The following ACAP3 variants were observed in gnomAD, a reference collection of about 807,000 sequenced individuals.
The protein encoded by ACAP3 is arf-GAP with coiled-coil, ANK repeat and PH domain-containing protein 3.
In ACAP3, 56 loss-of-function variants were observed where a neutral mutation model predicts 104.1. That is an observed-to-expected ratio of 0.54 (90% CI 0.43 to 0.67). The LOEUF (loss-of-function observed/expected upper bound fraction) is 0.67. Among genes scored for constraint, ACAP3 ranks in the 30% least tolerant of loss-of-function variants. ACAP3 has a pLI of 0.00. For missense variants in ACAP3, 1,208 were observed against 1,174.9 expected, an observed-to-expected ratio of 1.03 and a Z score of -0.41; for synonymous variants, 628 against 496.2, an observed-to-expected ratio of 1.27 and a Z score of -3.53.
chr1:1,293,417 G>A lies in ACAP3; in HGVS notation c.*147C>T, dbSNP rs79565498. 3,821 of 797,910 alleles carry A rather than the reference G, an allele frequency of 4.8e-3. 235 individuals are homozygous for A. The East Asian group carries it at 0.13, about 28-fold the overall frequency. The allele number at this position is 797,910 out of a possible 1,614,324, so 49.4% of individuals were successfully genotyped here. A position where few individuals can be genotyped will look rare whatever the true frequency, so the allele number is the denominator to read the frequency against. On this transcript the variant is annotated 3_prime_UTR_variant, in exon 24 of 24. Transcript: ENST00000354700. ...TGGGGCCCTCGCTCTCCTCCTGGGCGAGCAGGGCCGCGGCGCCCCAGCACT... is the reference window on the plus strand; with the variant it reads ...TGGGGCCCTCGCTCTCCTCCTGGGCAAGCAGGGCCGCGGCGCCCCAGCACT...
intron 7 of ACAP3, 44 bp from the exon 8 acceptor site, chr1:1,300,112 C>G: frequency 1.2e-6 from 2 of 1,607,134 alleles, no homozygotes; most frequent in Non-Finnish European, 1.7e-6. Context: ...CCCGGTCCAG[C>G]CCCCAACATG....
intron 4 of ACAP3, among the ~76,000 whole-genome samples, chr1:1,302,719 G>C (rs1453696205): frequency 6.6e-6 from 1 of 150,404 alleles, no homozygotes; most frequent in African/African-American, 2.4e-5. Flanking sequence ...CCAGGGTCTA[G>C]TGTGGCCCTT....
intron 1 of ACAP3, chr1:1,307,289 C>T: frequency 7.8e-7 from 1 of 1,289,382 alleles, no homozygotes; most frequent in Non-Finnish European, 1.0e-6. Flanking sequence ...CGCCACCCCT[C>T]CAAGCCCCTG....
Position 1,293,422 on chromosome 1 carries a change from G to A in ACAP3, c.*142C>T, listed in dbSNP as rs1640928501. The A allele has an allele frequency of 3.5e-6, 3 of 861,584 alleles. No homozygotes were observed. Among genetic ancestry groups the A allele is most frequent in the Non-Finnish European group, 4.6e-6 (3 of 652,706 alleles). 53.4% of individuals were successfully genotyped at this position (861,584 alleles called of 1,614,324 possible). A position where few individuals can be genotyped will look rare whatever the true frequency, so the allele number is the denominator to read the frequency against. On this transcript the variant is annotated 3_prime_UTR_variant, in exon 24 of 24. Coordinates refer to ENST00000354700, the MANE Select transcript of ACAP3 (RefSeq NM_030649.3). ...CCCTCGCTCTCCTCCTGGGCGAGCAGGGCCGCGGCGCCCCAGCACTGGGGC... is the reference window on the plus strand; with the variant it reads ...CCCTCGCTCTCCTCCTGGGCGAGCAAGGCCGCGGCGCCCCAGCACTGGGGC...
chr1:1,301,947 GTGGCCTCA>G lies in ACAP3; in HGVS notation c.338+33_338+40del, dbSNP rs765736738. 7.3e-6 allele frequency: 11 copies of G among 1,515,214 alleles called. No individual in the cohort carries two copies. In the African/African-American group the frequency reaches 9.9e-5, roughly 14 times the overall value. 93.9% of individuals were successfully genotyped at this position (1,515,214 alleles called of 1,614,324 possible). A position where few individuals can be genotyped will look rare whatever the true frequency, so the allele number is the denominator to read the frequency against. ...CCCCTTCCCCTCCAAGGGAGGGAGC[GTGGCCTCA>G]GTGTTCTTCCCCCAGCCCTGGGGGC... On this transcript the variant is annotated intron_variant, in intron 5 of 23. Transcript: ENST00000354700.
At chr1:1,302,741 G>A (rs986435795) in intron 4 of ACAP3, among the ~76,000 whole-genome samples, 181 bp downstream of exon 4, 2 of 149,408 alleles carry the variant, frequency 1.3e-5, no homozygotes, top group African/African-American at 2.5e-5. Context: ...CCTGGGACAC[G>A]GCAGAGCCCC....
intron 4 of ACAP3, among the ~76,000 whole-genome samples, chr1:1,302,313 C>T (rs900684283): frequency 1.0e-4 from 15 of 146,754 alleles, no homozygotes; most frequent in Admixed American, 6.6e-5. Context: ...CAGCCTGAGC[C>T]GGAGCCCCAC....
At chr1:1,307,517 G>T in intron 1 of ACAP3, 2 of 1,156,366 alleles carry the variant, frequency 1.7e-6, no homozygotes, top group African/African-American at 1.6e-5. Flanking sequence ...GGGGCGGACG[G>T]TCCCGAGGTG....
rs375932132 is a variant in ACAP3 at position 1,299,822 on chromosome 1, C to T, written c.738+9G>A. 2.8e-5 allele frequency: 43 copies of T among 1,542,160 alleles called. 1 individual carries two copies. Among genetic ancestry groups the T allele is most frequent in the Admixed American group, 5.9e-5 (3 of 50,738 alleles). On this transcript the variant is annotated intron_variant, in intron 9 of 23. Coordinates refer to ENST00000354700, the MANE Select transcript of ACAP3 (RefSeq NM_030649.3). ...CCTGGTGTGCAGGGAGCCGGCTGCGCGGCCTCACCCGCTGCTGGATGGCGG... is the reference window on the plus strand; with the variant it reads ...CCTGGTGTGCAGGGAGCCGGCTGCGTGGCCTCACCCGCTGCTGGATGGCGG...
chr1:1,301,807 A>G (rs1217414922), intron 5 of ACAP3, 181 bp downstream of exon 5: 1 of 474,936 alleles, frequency 2.1e-6, no homozygotes. Flanking sequence ...CCACACATGC[A>G]GGGTGTGGAA....
At chr1:1,302,433 C>T (rs1641484401) in intron 4 of ACAP3, among the ~76,000 whole-genome samples, 1 of 152,188 alleles carries the variant, frequency 6.6e-6, no homozygotes, top group Non-Finnish European at 1.5e-5. Context: ...GGAGCCTGGG[C>T]TCTGAATCGG....
In ACAP3 at chr1:1,292,750, CAG is replaced by C. The variant is rs1216992341; in HGVS notation, c.*812_*813del. On this transcript the variant is annotated 3_prime_UTR_variant, in exon 24 of 24. Coordinates refer to ENST00000354700, the MANE Select transcript of ACAP3 (RefSeq NM_030649.3). ...CCCTGGACCCAAGGGGGAGGCTGGT[CAG>C]GGGCAGGGCTGGGGCTCAGGCGTCC... 3 of 152,326 alleles carry C rather than the reference CAG, an allele frequency of 2.0e-5. No homozygotes were observed. The highest frequency in any genetic ancestry group is 2.1e-4 in the South Asian group (1 of 4,836). The allele number at this position is 152,326 out of a possible 1,614,324, so 9.4% of individuals were successfully genotyped here. A position where few individuals can be genotyped will look rare whatever the true frequency, so the allele number is the denominator to read the frequency against.
intron 1 of ACAP3, 190 bp from the exon 2 acceptor site, chr1:1,304,333 C>G: frequency 1.5e-6 from 1 of 674,548 alleles, no homozygotes; most frequent in East Asian, 2.8e-5. Context: ...CCCGCCCCCC[C>G]AACCCCAGGC....
At position 1,296,029 on chromosome 1, in the gene ACAP3, T is replaced by C; in HGVS notation, c.1488A>G (p.Thr496=). The C allele has an allele frequency of 6.2e-7, 1 of 1,612,812 alleles. No homozygotes were observed. The highest frequency in any genetic ancestry group is 2.2e-5 in the East Asian group (1 of 44,880). ...QCEGAGSRKP[T]ASSSRQDKEA... is the part of the protein sequence containing the mutation. ...CCCCACCTCACCGGGAGCTGCTGGC[T>C]GTGGGTTTCCTGCTGCCTGCACCCT... Residue 496 remains threonine, a synonymous_variant, in exon 17 of 24, where the codon ACA becomes ACG. Coordinates refer to ENST00000354700, the MANE Select transcript of ACAP3 (RefSeq NM_030649.3).
At chr1:1,295,303 G>T in intron 19 of ACAP3, 144 bp downstream of exon 19, 2 of 689,988 alleles carry the variant, frequency 2.9e-6, no homozygotes, top group Non-Finnish European at 2.4e-6. Context: ...TCAGGGCCTT[G>T]GCCTCCAGCT....
chr1:1,297,950 G>A lies in ACAP3; in HGVS notation c.1017-17C>T. On this transcript the variant is annotated splice_polypyrimidine_tract_variant and intron_variant, in intron 13 of 23. Transcript: ENST00000354700. ...ATGCAGCTCCTGCAGGCAGTGGAGGGGCGGGCGTCAGCTCCGGTGGGCAGG... is the reference window on the plus strand; with the variant it reads ...ATGCAGCTCCTGCAGGCAGTGGAGGAGCGGGCGTCAGCTCCGGTGGGCAGG... 1.2e-6 allele frequency: 2 copies of A among 1,611,346 alleles called. No homozygotes were observed. Among genetic ancestry groups the A allele is most frequent in the Non-Finnish European group, 1.7e-6 (2 of 1,179,184 alleles).
chr1:1,300,805 CTT>C (rs1447413498), intron 5 of ACAP3, 113 bp from the exon 6 acceptor site: 31 of 1,144,414 alleles, frequency 2.7e-5, no homozygotes, highest in East Asian at 1.6e-4. Context: ...GAGTTTCGCT[CTT>C]GTCACCCAGG....
chr1:1,299,777 A>G, intron 9 of ACAP3, 54 bp downstream of exon 9: 6 of 1,507,708 alleles, frequency 4.0e-6, no homozygotes, highest in South Asian at 1.3e-5. Context: ...TGGGGTGAGG[A>G]CGCAGGGGCC....
chr1:1,301,956 G>A lies in ACAP3; in HGVS notation c.338+32C>T, dbSNP rs763799402. 2.0e-6 allele frequency: 3 copies of A among 1,531,974 alleles called. No individual in the cohort carries two copies. In the East Asian group the frequency reaches 7.3e-5, roughly 37 times the overall value. 94.9% of individuals were successfully genotyped at this position (1,531,974 alleles called of 1,614,324 possible). On this transcript the variant is annotated intron_variant, in intron 5 of 23. Transcript: ENST00000354700. The stretch of plus-strand genomic sequence containing the variant: ...CTCCAAGGGAGGGAGCGTGGCCTCA[G>A]TGTTCTTCCCCCAGCCCTGGGGGCC...
Sources: allele counts gnomAD v4.1 joint callset (sites outside exome capture counted in the v4.1 genomes callset), GRCh38; gene constraint gnomAD v4.1.1; transcripts MANE v1.5; gene names NCBI Gene and HGNC (gene_info 2026-07-23, HGNC 2026-07-21).